The following CCDC171 variants were observed in gnomAD, a reference collection of about 807,000 sequenced individuals.
CCDC171 encodes the protein coiled-coil domain containing 171, also known as coiled-coil domain-containing protein 171.
In CCDC171, 177 loss-of-function variants were observed where a neutral mutation model predicts 168.2. The observed-to-expected ratio is 1.05, with a 90% CI of 0.93 to 1.19. The LOEUF (loss-of-function observed/expected upper bound fraction) is 1.19. Ranked by LOEUF, CCDC171 falls within the 50% of genes most tolerant of loss-of-function variation. The pLI is 0.00. For synonymous variants in CCDC171, 687 were observed against 540.8 expected (o/e 1.27, Z -3.75); for missense variants, 1,991 against 1,539.0 (o/e 1.29, Z -4.91).
chr9:16,069,480 CCT>C, the CCDC171 span, among the ~76,000 whole-genome samples: 1 of 152,208 alleles, frequency 6.6e-6, no homozygotes, highest in African/African-American at 2.4e-5. Context: ...AGCGTGCGAG[CCT>C]CTCGGGGTGA....
intron 6 of CCDC171, among the ~76,000 whole-genome samples, chr9:15,607,380 A>G (rs547083921): frequency 2.4e-4 from 36 of 152,266 alleles, no homozygotes; most frequent in African/African-American, 8.4e-4. Flanking sequence ...CATTGACAGT[A>G]TATTGTATTA....
chr9:16,095,183 T>C, the CCDC171 span, among the ~76,000 whole-genome samples: 1 of 152,180 alleles, frequency 6.6e-6, no homozygotes, highest in Admixed American at 6.5e-5. Context: ...GGGACTAATA[T>C]AGCATGGGAT....
chr9:15,886,262 A>G (rs1464064897), intron 24 of CCDC171: 1 of 152,226 alleles, frequency 6.6e-6, no homozygotes, highest in Non-Finnish European at 1.5e-5. Context: ...TCCAAAATAT[A>G]TAAGGAACTC....
chr9:15,722,205 G>A (rs1260787097), intron 12 of CCDC171, among the ~76,000 whole-genome samples: 2 of 152,142 alleles, frequency 1.3e-5, no homozygotes, highest in African/African-American at 4.8e-5. Flanking sequence ...TTAAATGTCA[G>A]TGTGTTTTTA....
intron 10 of CCDC171, among the ~76,000 whole-genome samples, chr9:15,693,079 A>G (rs28403566): frequency 0.46 from 69,590 of 151,564 alleles, 16,249 homozygotes; most frequent in Non-Finnish European, 0.51. Flanking sequence ...GGAGGTTGCA[A>G]TGAGCTGAGA....
At chr9:15,702,978 A>T (rs2051885891) in intron 11 of CCDC171, among the ~76,000 whole-genome samples, 1 of 149,084 alleles carries the variant, frequency 6.7e-6, no homozygotes, top group African/African-American at 2.5e-5. Flanking sequence ...ATCTCTGCTC[A>T]CTGCAACCTC....
chr9:15,851,524 A>G (rs991003627), intron 23 of CCDC171, among the ~76,000 whole-genome samples: 3 of 151,848 alleles, frequency 2.0e-5, no homozygotes, highest in African/African-American at 7.2e-5. Context: ...TTTTTAAAAC[A>G]CACCCTTCTC....
At chr9:16,098,199 C>T in the CCDC171 span, among the ~76,000 whole-genome samples, 3 of 152,056 alleles carry the variant, frequency 2.0e-5, no homozygotes, top group African/African-American at 7.2e-5. Flanking sequence ...CCTTTTTTCC[C>T]CTAATGCATA....
intron 20 of CCDC171, among the ~76,000 whole-genome samples, chr9:15,783,113 A>C (rs1247906834): frequency 1.3e-5 from 2 of 152,200 alleles, no homozygotes; most frequent in East Asian, 3.8e-4. Flanking sequence ...CAGTTGCTTC[A>C]TAGAAGTGGC....
intron 21 of CCDC171, among the ~76,000 whole-genome samples, chr9:15,832,903 G>A (rs1041105447): frequency 2.7e-5 from 4 of 149,514 alleles, no homozygotes; most frequent in Non-Finnish European, 5.9e-5. Flanking sequence ...ACATGAATAC[G>A]CGTTAGCCTA....
intron 25 of CCDC171, among the ~76,000 whole-genome samples, chr9:15,922,665 T>C (rs534543458): frequency 6.6e-6 from 1 of 151,804 alleles, no homozygotes; most frequent in East Asian, 1.9e-4. Context: ...TCCATGACTG[T>C]ACTAATTTAC....
At chr9:15,939,019 T>C (rs928910666) in intron 25 of CCDC171, among the ~76,000 whole-genome samples, 9 of 151,600 alleles carry the variant, frequency 5.9e-5, no homozygotes, top group Non-Finnish European at 1.3e-4. Flanking sequence ...TTAAATAACA[T>C]TAATATTATA....
intron 21 of CCDC171, among the ~76,000 whole-genome samples, chr9:15,846,486 C>G (rs1315926127): frequency 1.3e-5 from 2 of 152,002 alleles, no homozygotes; most frequent in Non-Finnish European, 2.9e-5. Context: ...TAAAATGGAA[C>G]TGTATTTTGT....
intron 6 of CCDC171, among the ~76,000 whole-genome samples, chr9:15,605,083 A>T (rs2043122670): frequency 6.6e-6 from 1 of 151,840 alleles, no homozygotes; most frequent in Non-Finnish European, 1.5e-5. Flanking sequence ...TTTTGTAGAG[A>T]TGGGGGTCTT....
chr9:15,978,986 T>G (rs531093248), downstream of CCDC171, among the ~76,000 whole-genome samples: 3 of 152,160 alleles, frequency 2.0e-5, no homozygotes, highest in South Asian at 6.2e-4. Flanking sequence ...AATAGAACAA[T>G]ATGTATTGCT....
At chr9:15,720,597 A>G (rs2053415120) in intron 11 of CCDC171, among the ~76,000 whole-genome samples, 1 of 152,328 alleles carries the variant, frequency 6.6e-6, no homozygotes. Context: ...ATAACAAGAA[A>G]AGAAAAATAT....
At chr9:15,576,235 A>G (rs763079655) in intron 3 of CCDC171, among the ~76,000 whole-genome samples, 3 of 151,774 alleles carry the variant, frequency 2.0e-5, no homozygotes, top group Admixed American at 6.6e-5. Context: ...CCAGGCTTGC[A>G]TGCAGTGATG....
chr9:15,600,918 T>G (rs201201315), intron 6 of CCDC171, among the ~76,000 whole-genome samples: 24 of 152,046 alleles, frequency 1.6e-4, no homozygotes, highest in Non-Finnish European at 2.9e-5. Context: ...GCTCCATGGG[T>G]GTAGGACCCT....
intron 25 of CCDC171, among the ~76,000 whole-genome samples, chr9:15,963,331 G>GA (rs1038480998): frequency 2.6e-5 from 4 of 151,142 alleles, no homozygotes; most frequent in East Asian, 2.0e-4. Context: ...TAAAGTGTGT[G>GA]AAAAAAAATC....
Sources: allele counts gnomAD v4.1 joint callset (sites outside exome capture counted in the v4.1 genomes callset), GRCh38; gene constraint gnomAD v4.1.1; transcripts MANE v1.5; gene names NCBI Gene and HGNC (gene_info 2026-07-23, HGNC 2026-07-21).